The following SYT16 variants were observed in gnomAD, a reference collection of about 807,000 sequenced individuals.
SYT16 encodes the protein synaptotagmin-16.
In SYT16, 42 loss-of-function variants were observed where a neutral mutation model predicts 61.4. The observed-to-expected ratio is 0.68, with a 90% CI of 0.53 to 0.89. SYT16 has a LOEUF of 0.89. Among genes scored for constraint, SYT16 ranks in the 40% least tolerant of loss-of-function variants. The pLI, the probability that SYT16 is intolerant of heterozygous loss-of-function variation, is 0.00. For missense variants in SYT16, 804 were observed against 807.3 expected (o/e 1.00, Z 0.05); for synonymous variants, 314 against 302.3 (o/e 1.04, Z -0.40).
intron 2 of SYT16, among the ~76,000 whole-genome samples, chr14:61,987,650 G>A (rs1350572146): frequency 6.6e-6 from 1 of 152,016 alleles, no homozygotes; most frequent in Non-Finnish European, 1.5e-5. Flanking sequence ...ATAACCCGAT[G>A]ATAACTGTGC....
chr14:61,838,922 C>T (rs1296910189), intron 1 of SYT16, among the ~76,000 whole-genome samples: 1 of 152,128 alleles, frequency 6.6e-6, no homozygotes, highest in Non-Finnish European at 1.5e-5. Context: ...TTTACTTGGG[C>T]CATCCCTAGC....
intron 1 of SYT16, among the ~76,000 whole-genome samples, chr14:61,884,643 G>C (rs917038328): frequency 6.6e-6 from 1 of 152,184 alleles, no homozygotes; most frequent in South Asian, 2.1e-4. Flanking sequence ...GCAACAAGGC[G>C]TGACTACTTT....
chr14:62,067,645 A>T (rs1202060481), intron 3 of SYT16, among the ~76,000 whole-genome samples: 2 of 152,202 alleles, frequency 1.3e-5, no homozygotes, highest in East Asian at 3.8e-4. Flanking sequence ...ACTCTAGCAT[A>T]CTGTTGCTGG....
intron 3 of SYT16, among the ~76,000 whole-genome samples, chr14:62,048,620 A>G (rs534465973): frequency 7.7e-4 from 118 of 152,330 alleles, no homozygotes; most frequent in African/African-American, 2.6e-3. Flanking sequence ...ATTTAGTGCT[A>G]TAAAGTTCCC....
At chr14:61,898,962 G>C (rs1476681385) in intron 1 of SYT16, among the ~76,000 whole-genome samples, 3 of 152,156 alleles carry the variant, frequency 2.0e-5, no homozygotes, top group African/African-American at 7.2e-5. Context: ...CAGAATGGAG[G>C]ATCAAAGTCA....
intron 1 of SYT16, among the ~76,000 whole-genome samples, chr14:61,887,230 G>A (rs562907842): frequency 2.0e-5 from 3 of 152,286 alleles, no homozygotes; most frequent in South Asian, 4.1e-4. Context: ...CTTTTTCTGA[G>A]CAGTAGATCT....
At chr14:62,012,427 A>G (rs1167630023) in intron 3 of SYT16, among the ~76,000 whole-genome samples, 3 of 152,200 alleles carry the variant, frequency 2.0e-5, no homozygotes, top group Non-Finnish European at 4.4e-5. Flanking sequence ...ATGTCTGCTT[A>G]CTTCATCAAG....
intron 1 of SYT16, among the ~76,000 whole-genome samples, chr14:61,835,522 T>G (rs1393451164): frequency 1.3e-5 from 2 of 151,960 alleles, no homozygotes; most frequent in Non-Finnish European, 2.9e-5. Flanking sequence ...CCTCCCAAAG[T>G]GCTGGGATTA....
chr14:61,975,119 T>A (rs138885633), intron 2 of SYT16, among the ~76,000 whole-genome samples: 2 of 152,338 alleles, frequency 1.3e-5, no homozygotes, highest in Non-Finnish European at 1.5e-5. Flanking sequence ...TGGTGTTAAT[T>A]CCAGATAAAC....
chr14:61,839,821 C>A (rs992912492), intron 1 of SYT16, among the ~76,000 whole-genome samples: 10 of 149,458 alleles, frequency 6.7e-5, no homozygotes, highest in Admixed American at 6.1e-4. Flanking sequence ...TTCCTCAGGG[C>A]TAACTGTATT....
intron 3 of SYT16, among the ~76,000 whole-genome samples, chr14:62,054,735 G>A (rs892711298): frequency 2.6e-5 from 4 of 152,098 alleles, no homozygotes; most frequent in Admixed American, 6.6e-5. Context: ...TTATAGAGTC[G>A]ATGCTGAAGG....
At chr14:61,883,604 G>A (rs958372831) in intron 1 of SYT16, among the ~76,000 whole-genome samples, 2 of 152,116 alleles carry the variant, frequency 1.3e-5, no homozygotes, top group African/African-American at 4.8e-5. Flanking sequence ...ACATTTTTCT[G>A]TCATCTGAGC....
chr14:61,998,059 T>C (rs754813210), intron 3 of SYT16, among the ~76,000 whole-genome samples: 3 of 152,002 alleles, frequency 2.0e-5, no homozygotes, highest in African/African-American at 7.2e-5. Flanking sequence ...GTAGATGCTG[T>C]TATTACTCTC....
intron 1 of SYT16, among the ~76,000 whole-genome samples, chr14:61,883,544 A>G (rs2047779075): frequency 6.6e-6 from 1 of 152,172 alleles, no homozygotes; most frequent in Admixed American, 6.5e-5. Context: ...CACTATCAGC[A>G]TTTTGGTCAA....
intron 1 of SYT16, among the ~76,000 whole-genome samples, chr14:61,962,449 C>G (rs766184486): frequency 6.6e-6 from 1 of 151,916 alleles, no homozygotes; most frequent in Non-Finnish European, 1.5e-5. Context: ...AAATTTTTCT[C>G]TTTGACTTTT....
Position 62,026,950 on chromosome 14 carries a change from C to T in SYT16, c.523+30408C>T, listed in dbSNP as rs562902767. Among the ~76,000 whole-genome samples, 6 of 152,132 alleles carry T rather than the reference C, an allele frequency of 3.9e-5. No homozygotes were observed. In the East Asian group the frequency reaches 1.2e-3, roughly 29 times the overall value. ...TTTTGCCTGCTTGATCTTTCAGAGA[C>T]TTAAAATGTTTTTTTAATGCATGTC... is the stretch of plus-strand genomic sequence containing the variant. On this transcript the variant is annotated intron_variant, in intron 3 of 7. Transcript: ENST00000683842.
At chr14:61,920,449 C>T (rs980944841) in intron 1 of SYT16, among the ~76,000 whole-genome samples, 2 of 152,102 alleles carry the variant, frequency 1.3e-5, no homozygotes, top group South Asian at 2.1e-4. Context: ...CAACAGGCCC[C>T]GGTGTGTGAT....
chr14:61,851,050 TCTCCCTC>T (rs1285830532), intron 1 of SYT16, among the ~76,000 whole-genome samples: 1 of 152,154 alleles, frequency 6.6e-6, no homozygotes, highest in Non-Finnish European at 1.5e-5. Flanking sequence ...TTCCTGATGC[TCTCCCTC>T]CTCCCACCCC....
intron 1 of SYT16, among the ~76,000 whole-genome samples, chr14:61,833,531 A>G (rs1271136572): frequency 6.6e-6 from 1 of 151,480 alleles, no homozygotes; most frequent in African/African-American, 2.4e-5. Flanking sequence ...ACCTCAGGTG[A>G]TCTGCCTGTC....
Sources: allele counts gnomAD v4.1 joint callset (sites outside exome capture counted in the v4.1 genomes callset), GRCh38; gene constraint gnomAD v4.1.1; transcripts MANE v1.5; gene names NCBI Gene and HGNC (gene_info 2026-07-23, HGNC 2026-07-21).